The following GPC5 variants were observed in gnomAD, a reference collection of about 807,000 sequenced individuals.
GPC5 encodes the protein glypican-5.
GPC5 carries 47 observed loss-of-function variants against 53.9 expected under a neutral mutation model. That is an observed-to-expected ratio of 0.87 (90% CI 0.69 to 1.11). GPC5 has a LOEUF of 1.11. Among genes scored for constraint, GPC5 ranks in the 50% most tolerant of loss-of-function variants. GPC5 has a pLI of 0.00. For synonymous variants in GPC5, 286 were observed against 263.3 expected, an observed-to-expected ratio of 1.09 and a Z score of -0.84; for missense variants, 748 against 713.1, an observed-to-expected ratio of 1.05 and a Z score of -0.56.
intron 7 of GPC5, among the ~76,000 whole-genome samples, chr13:92,542,337 G>A (rs2139003586): frequency 6.6e-6 from 1 of 151,832 alleles, no homozygotes; most frequent in Non-Finnish European, 1.5e-5. Context: ...TTATTCCCCT[G>A]AATCCCCACC....
intron 7 of GPC5, among the ~76,000 whole-genome samples, chr13:92,750,743 G>GAGTT (rs1156265010): frequency 1.3e-5 from 2 of 152,142 alleles, no homozygotes; most frequent in African/African-American, 2.4e-5. Flanking sequence ...AGTTCATTCT[G>GAGTT]AGTTAAGCAC....
At chr13:92,355,424 C>A (rs1057307980) in intron 7 of GPC5, among the ~76,000 whole-genome samples, 5 of 152,172 alleles carry the variant, frequency 3.3e-5, no homozygotes, top group African/African-American at 1.2e-4. Context: ...TCTTCCCAAC[C>A]ACCAGCCTGG....
intron 2 of GPC5, among the ~76,000 whole-genome samples, chr13:91,621,934 G>A (rs549515985): frequency 3.3e-5 from 5 of 151,864 alleles, no homozygotes; most frequent in Non-Finnish European, 7.4e-5. Flanking sequence ...TTCAGTCTGT[G>A]GCCGAAGGCC....
chr13:91,964,484 C>G (rs2040161733), intron 6 of GPC5, among the ~76,000 whole-genome samples: 1 of 152,184 alleles, frequency 6.6e-6, no homozygotes, highest in East Asian at 1.9e-4. Flanking sequence ...AAATCTTTAG[C>G]TAGACACAAA....
chr13:91,572,245 A>ATC, intron 2 of GPC5, among the ~76,000 whole-genome samples: 1 of 128,990 alleles, frequency 7.8e-6, no homozygotes. Flanking sequence ...ATACATGTGT[A>ATC]TATATATACA....
At chr13:92,791,457 C>A (rs1412117100) in intron 7 of GPC5, among the ~76,000 whole-genome samples, 1 of 150,910 alleles carries the variant, frequency 6.6e-6, no homozygotes, top group Non-Finnish European at 1.5e-5. Flanking sequence ...TATGAAGTGT[C>A]CTCACAAAGG....
chr13:92,785,222 G>C (rs1051782956), intron 7 of GPC5, among the ~76,000 whole-genome samples: 3 of 152,164 alleles, frequency 2.0e-5, no homozygotes, highest in Non-Finnish European at 2.9e-5. Context: ...GTTGCAGTGA[G>C]CCAAGATCAG....
chr13:91,775,730 C>G (rs556375144), intron 5 of GPC5, among the ~76,000 whole-genome samples: 6 of 152,112 alleles, frequency 3.9e-5, no homozygotes, highest in Non-Finnish European at 8.8e-5. Flanking sequence ...ATGTATGTCC[C>G]GTGATAGCAT....
At chr13:91,874,447 A>G (rs1159225465) in intron 5 of GPC5, among the ~76,000 whole-genome samples, 2 of 152,178 alleles carry the variant, frequency 1.3e-5, no homozygotes, top group African/African-American at 2.4e-5. Context: ...CCTGGAATGA[A>G]TATTCCATAA....
chr13:92,668,352 A>G (rs1886640554), intron 7 of GPC5, among the ~76,000 whole-genome samples: 1 of 152,174 alleles, frequency 6.6e-6, no homozygotes, highest in African/African-American at 2.4e-5. Flanking sequence ...AGATTTCATT[A>G]TCACAATTTT....
At chr13:92,012,833 G>T (rs182201229) in intron 6 of GPC5, among the ~76,000 whole-genome samples, 3 of 152,324 alleles carry the variant, frequency 2.0e-5, no homozygotes, top group Non-Finnish European at 2.9e-5. Context: ...TCAGACTCGT[G>T]ATGGGGGTGA....
intron 5 of GPC5, among the ~76,000 whole-genome samples, chr13:91,870,836 G>T (rs546753347): frequency 6.6e-6 from 1 of 152,274 alleles, no homozygotes; most frequent in African/African-American, 2.4e-5. Flanking sequence ...TATTCAAGTT[G>T]ATCCGTGTTG....
At chr13:92,350,585 AG>A (rs1257365905) in intron 7 of GPC5, among the ~76,000 whole-genome samples, 2 of 152,174 alleles carry the variant, frequency 1.3e-5, no homozygotes, top group Non-Finnish European at 2.9e-5. Context: ...CTCAGACAGA[AG>A]GAAGTTCTTG....
intron 7 of GPC5, among the ~76,000 whole-genome samples, chr13:92,516,543 C>A (rs1366483740): frequency 6.6e-6 from 1 of 152,040 alleles, no homozygotes; most frequent in Admixed American, 6.6e-5. Context: ...AGTATTAGGA[C>A]AAGTTATTCA....
intron 7 of GPC5, among the ~76,000 whole-genome samples, chr13:92,452,046 C>T (rs758716524): frequency 1.3e-5 from 2 of 152,126 alleles, no homozygotes; most frequent in Non-Finnish European, 2.9e-5. Context: ...AACTTTCTAG[C>T]AGGAACAAAT....
chr13:92,208,522 T>C (rs1028305193), intron 7 of GPC5, among the ~76,000 whole-genome samples: 8 of 152,190 alleles, frequency 5.3e-5, no homozygotes, highest in Admixed American at 5.2e-4. Flanking sequence ...AGCAACTCTA[T>C]GAGAAACATC....
chr13:92,198,751 A>G (rs1293651975), intron 7 of GPC5, among the ~76,000 whole-genome samples: 1 of 152,182 alleles, frequency 6.6e-6, no homozygotes, highest in Non-Finnish European at 1.5e-5. Flanking sequence ...AGTAAATTAT[A>G]GCTATAAAAG....
chr13:91,520,483 T>C (rs1885744668), intron 2 of GPC5, among the ~76,000 whole-genome samples: 1 of 152,154 alleles, frequency 6.6e-6, no homozygotes, highest in Non-Finnish European at 1.5e-5. Flanking sequence ...TAAGAGAGAA[T>C]GAGGTTCAAC....
intron 6 of GPC5, among the ~76,000 whole-genome samples, chr13:92,119,124 A>T (rs1380316367): frequency 6.6e-6 from 1 of 152,196 alleles, no homozygotes; most frequent in Non-Finnish European, 1.5e-5. Flanking sequence ...GGCAGAAGGC[A>T]AATGAGCAAA....
Sources: gnomAD v4.1 joint callset for allele counts (sites outside exome capture counted in the v4.1 genomes callset) on GRCh38, gnomAD v4.1.1 for gene constraint, MANE v1.5 for transcripts, NCBI Gene and HGNC (gene_info 2026-07-23, HGNC 2026-07-21) for gene names.